CAST: variants seen among roughly 807,000 people sequenced by gnomAD.
The protein encoded by CAST is MIR583 host.
In CAST, 76 loss-of-function variants were observed where a neutral mutation model predicts 119.6. The ratio of observed to expected loss-of-function variants is 0.64; its 90% confidence interval spans 0.53 to 0.77. The LOEUF (loss-of-function observed/expected upper bound fraction) is 0.77. Ranked by LOEUF, CAST falls within the 30% of genes least tolerant of loss-of-function variation. CAST has a pLI of 0.00. For missense variants in CAST, 953 were observed against 946.5 expected, an observed-to-expected ratio of 1.01 and a Z score of -0.09; for synonymous variants, 319 against 331.6, an observed-to-expected ratio of 0.96 and a Z score of 0.41.
chr5:96,236,111 G>GTCTGTCTATCTATCTATCTA, the CAST span, among the ~76,000 whole-genome samples: 15 of 151,654 alleles, frequency 9.9e-5, no homozygotes, highest in African/African-American at 3.6e-4. Context: ...CTGTCTGTCT[G>GTCTGTCTATCTATCTATCTA]TCTATCTATC....
chr5:96,591,346 G>T (rs1201733102), intron 1 of CAST, among the ~76,000 whole-genome samples: 2 of 152,188 alleles, frequency 1.3e-5, no homozygotes, highest in Admixed American at 6.5e-5. Context: ...TTTAGATAAA[G>T]CTTGGGGATG....
Position 96,771,675 on chromosome 5 carries a change from A to T in CAST, c.2372A>T (p.Asp791Val), listed in dbSNP as rs1772399815. Residue 791 changes from aspartate (D) to valine (V), a missense_variant, in exon 31 of 32, where the codon GAC (aspartate) becomes GTC (valine). Coordinates refer to ENST00000675179, the MANE Select transcript of CAST (RefSeq NM_001750.7). ...GAGGAAACTTCCAAGCCAAAAGATG[A>T]CTAAAGAAATACAAGTTAAGGTATC... ...TTEETSKPKDD is the reference protein window; with the variant it reads ...TTEETSKPKDV 2 of 1,611,518 alleles carry T rather than the reference A, an allele frequency of 1.2e-6. No homozygotes were observed. The highest frequency in any genetic ancestry group is 2.7e-5 in the African/African-American group (2 of 74,832).
chr5:96,512,211 C>T, the CAST span, among the ~76,000 whole-genome samples: 1 of 152,206 alleles, frequency 6.6e-6, no homozygotes, highest in African/African-American at 2.4e-5. Context: ...TTAGTATAAA[C>T]TTGATTAATG....
the CAST span, among the ~76,000 whole-genome samples, chr5:96,380,235 T>C: frequency 1.3e-5 from 2 of 152,198 alleles, no homozygotes; most frequent in African/African-American, 4.8e-5. Flanking sequence ...CACCAAACTG[T>C]ACTAGAAGTC....
the CAST span, chr5:96,433,215 C>G: frequency 6.0e-6 from 4 of 668,624 alleles, no homozygotes; most frequent in South Asian, 3.3e-5. Context: ...CGGCGGCGAG[C>G]GCTCAGTGAA....
chr5:96,731,780 A>G (rs946959633), intron 9 of CAST, among the ~76,000 whole-genome samples: 1 of 148,390 alleles, frequency 6.7e-6, no homozygotes, highest in South Asian at 2.1e-4. Context: ...GCGATAGTTT[A>G]CTGAGAATGA....
At chr5:96,014,339 C>T in the CAST span, among the ~76,000 whole-genome samples, 1 of 151,992 alleles carries the variant, frequency 6.6e-6, no homozygotes, top group African/African-American at 2.4e-5. Flanking sequence ...ATGGCTTCTT[C>T]TTCTGAAATA....
At chr5:96,312,921 A>C in the CAST span, among the ~76,000 whole-genome samples, 17 of 152,112 alleles carry the variant, frequency 1.1e-4, no homozygotes, top group African/African-American at 4.1e-4. Context: ...CATAACTAGG[A>C]CCTCTCTAGC....
chr5:96,640,953 T>C (rs1307917685), intron 1 of CAST, among the ~76,000 whole-genome samples: 1 of 152,078 alleles, frequency 6.6e-6, no homozygotes, highest in Non-Finnish European at 1.5e-5. Context: ...TCCATCACAC[T>C]CCACAATGCT....
At chr5:96,348,730 C>T in the CAST span, among the ~76,000 whole-genome samples, 2 of 151,982 alleles carry the variant, frequency 1.3e-5, no homozygotes, top group African/African-American at 2.4e-5. Context: ...ATGGCAATGG[C>T]AATGAGGAAG....
chr5:96,563,888 C>G (rs1746426589), intron 1 of CAST, among the ~76,000 whole-genome samples: 1 of 152,164 alleles, frequency 6.6e-6, no homozygotes, highest in Non-Finnish European at 1.5e-5. Flanking sequence ...CAAGTGTTTC[C>G]TTGCCTTTTG....
chr5:96,056,609 A>G, the CAST span, among the ~76,000 whole-genome samples: 2 of 152,098 alleles, frequency 1.3e-5, no homozygotes, highest in Non-Finnish European at 2.9e-5. Context: ...CATCTTTCAG[A>G]TATTATTTGT....
chr5:96,524,217 A>G (rs1360032191), upstream of CAST, among the ~76,000 whole-genome samples: 1 of 152,224 alleles, frequency 6.6e-6, no homozygotes, highest in Non-Finnish European at 1.5e-5. Context: ...TGAAAAGGCC[A>G]CTAAGCCGTG....
intron 1 of CAST, among the ~76,000 whole-genome samples, chr5:96,560,510 GA>G (rs1202466847): frequency 2.6e-5 from 4 of 151,848 alleles, no homozygotes; most frequent in African/African-American, 9.7e-5. Flanking sequence ...AAATTTACAA[GA>G]AAAAACAACC....
chr5:96,029,783 G>A, the CAST span, among the ~76,000 whole-genome samples: 1 of 152,064 alleles, frequency 6.6e-6, no homozygotes, highest in Admixed American at 6.6e-5. Flanking sequence ...TATTTTGGGG[G>A]TTGTTAACTT....
At chr5:96,541,638 T>G (rs528716354) in intron 1 of CAST, among the ~76,000 whole-genome samples, 2 of 152,338 alleles carry the variant, frequency 1.3e-5, no homozygotes, top group African/African-American at 4.8e-5. Flanking sequence ...TCTCTTCCCC[T>G]AAACCTCTGG....
chr5:96,195,120 G>A, the CAST span, among the ~76,000 whole-genome samples: 1 of 152,132 alleles, frequency 6.6e-6, no homozygotes, highest in Non-Finnish European at 1.5e-5. Flanking sequence ...GAAGTTGCTG[G>A]CAGACCCATT....
At chr5:96,661,512 G>T (rs11744557), upstream of CAST, among the ~76,000 whole-genome samples, 1 of 151,162 alleles carries the variant, frequency 6.6e-6, no homozygotes, top group African/African-American at 2.4e-5. Context: ...CCAAGTCCCA[G>T]AATGATGATG....
chr5:96,739,618 A>G (rs1762298518), intron 11 of CAST, among the ~76,000 whole-genome samples: 1 of 152,216 alleles, frequency 6.6e-6, no homozygotes, highest in Non-Finnish European at 1.5e-5. Flanking sequence ...GGGAAAGGGA[A>G]TTAGGTTTGA....
Sources: allele counts gnomAD v4.1 joint callset (sites outside exome capture counted in the v4.1 genomes callset), GRCh38; gene constraint gnomAD v4.1.1; transcripts MANE v1.5; gene names NCBI Gene and HGNC (gene_info 2026-07-23, HGNC 2026-07-21).